Variants in CTU2 observed in about 807,000 individuals in gnomAD.
The protein encoded by CTU2 is cytosolic thiouridylase subunit 2, also known as cytoplasmic tRNA 2-thiolation protein 2.
CTU2 carries 80 observed loss-of-function variants against 64.1 expected under a neutral mutation model. The ratio of observed to expected loss-of-function variants is 1.25; its 90% confidence interval spans 1.04 to 1.50. CTU2 has a LOEUF of 1.50. CTU2 is among the 40% of genes most tolerant of loss of function. The probability of loss-of-function intolerance (pLI) is 0.00; values close to 1 mark genes in which losing one functional copy is unlikely to be tolerated. For missense variants in CTU2, 1,110 were observed against 690.2 expected, an observed-to-expected ratio of 1.61 and a Z score of -6.81; for synonymous variants, 482 against 285.3, an observed-to-expected ratio of 1.69 and a Z score of -6.95.
intron 8 of CTU2, 54 bp downstream of exon 8, chr16:88,713,501 C>T (rs1305229807): frequency 1.4e-5 from 21 of 1,548,894 alleles, no homozygotes; most frequent in South Asian, 2.4e-5. Context: ...ACCCCTTCGG[C>T]CACCTTTACT....
rs1039052264 is a variant in CTU2, at chr16:88,711,748, C to T, written c.343+53C>T. The T allele has an allele frequency of 3.5e-5, 54 of 1,529,810 alleles. 1 individual carries two copies. Among genetic ancestry groups the T allele is most frequent in the Admixed American group, 1.3e-4 (7 of 55,882 alleles). The allele number at this position is 1,529,810 out of a possible 1,614,324, so 94.8% of individuals were successfully genotyped here. A position where few individuals can be genotyped will look rare whatever the true frequency, so the allele number is the denominator to read the frequency against. On this transcript the variant is annotated intron_variant, in intron 5 of 14. Transcript: ENST00000453996. ...CCCTGGCCACTTGGGGTAAGCCCTGCGGATCCTCCCTCTGGTGTGGACCCT... is the reference window on the plus strand; with the variant it reads ...CCCTGGCCACTTGGGGTAAGCCCTGTGGATCCTCCCTCTGGTGTGGACCCT...
At chr16:88,706,645 C>G (rs992737476) in intron 1 of CTU2, 47 bp downstream of exon 1, 2 of 1,311,496 alleles carry the variant, frequency 1.5e-6, no homozygotes, top group African/African-American at 1.6e-5. Flanking sequence ...CGCCTTCCCG[C>G]CGCACTCCTG....
rs537787450 is a variant in CTU2, at chr16:88,715,313, G to A, written c.*62G>A. 5.9e-5 allele frequency: 91 copies of A among 1,543,340 alleles called. No homozygotes were observed. In the East Asian group the frequency reaches 7.8e-4, roughly 13 times the overall value. On this transcript the variant is annotated 3_prime_UTR_variant, in exon 15 of 15. Coordinates refer to ENST00000453996, the MANE Select transcript of CTU2 (RefSeq NM_001012759.3). ...CCACCTGGTACACCACACTGGAGCC[G>A]GAAGGCAAGGACGGGGGACTGGCCT...
At chr16:88,708,364 T>C (rs1328389817) in intron 2 of CTU2, among the ~76,000 whole-genome samples, 1 of 152,164 alleles carries the variant, frequency 6.6e-6, no homozygotes, top group Admixed American at 6.5e-5. Flanking sequence ...AACCTTGGCC[T>C]TCCCTGACCC....
Position 88,715,310 on chromosome 16 carries a change from G to C in CTU2, c.*59G>C. The C allele has an allele frequency of 6.4e-7, 1 of 1,563,024 alleles. No homozygotes were observed. ...TGGCCACCTGGTACACCACACTGGA[G>C]CCGGAAGGCAAGGACGGGGGACTGG... On this transcript the variant is annotated 3_prime_UTR_variant, in exon 15 of 15. Transcript: ENST00000453996.
At position 88,706,618 on chromosome 16, in the gene CTU2, C is replaced by A; in HGVS notation, c.68+20C>A. ...GCCCAGGTAAGAGCTGGCGGCCGGA[C>A]CCGCCAGGCCGCCCCTCGCCTTCCC... is the stretch of plus-strand genomic sequence containing the variant. On this transcript the variant is annotated intron_variant, in intron 1 of 14. Transcript: ENST00000453996. The A allele has an allele frequency of 7.2e-7, 1 of 1,384,416 alleles. No homozygotes were observed. 85.8% of individuals were successfully genotyped at this position (1,384,416 alleles called of 1,614,324 possible).
chr16:88,715,309 A>T lies in CTU2; in HGVS notation c.*58A>T. The T allele has an allele frequency of 6.4e-7, 1 of 1,564,970 alleles. No homozygotes were observed. The highest frequency in any genetic ancestry group is 8.7e-7 in the Non-Finnish European group (1 of 1,150,044). On this transcript the variant is annotated 3_prime_UTR_variant, in exon 15 of 15. Transcript: ENST00000453996. ...GTGGCCACCTGGTACACCACACTGG[A>T]GCCGGAAGGCAAGGACGGGGGACTG...
At chr16:88,714,335 A>G (rs767780142) in intron 10 of CTU2, 48 bp from the exon 11 acceptor site, 2 of 1,607,452 alleles carry the variant, frequency 1.2e-6, no homozygotes, top group Non-Finnish European at 1.7e-6. Context: ...CTTAGGGTGG[A>G]GCCCCAGCCC....
chr16:88,714,917 G>C lies in CTU2; in HGVS notation c.1410G>C (p.Met470Ile), dbSNP rs923897864. 1 of 1,612,662 alleles carries C rather than the reference G, an allele frequency of 6.2e-7. No homozygotes were observed. The highest frequency in any genetic ancestry group is 1.1e-5 in the South Asian group (1 of 91,088). Residue 470 changes from methionine to isoleucine, a missense_variant, in exon 13 of 15, where the codon ATG becomes ATC. Met to Ile is a conservative substitution (Grantham distance 10). Transcript: ENST00000453996. ...EQLCYSCRVN[M>I]KDLPSLDPLP... ...TGTGCTACAGCTGCCGCGTGAACAT[G>C]AAGGACTTGGTGAGTACGTGCCCAC... is the stretch of plus-strand genomic sequence containing the variant.
chr16:88,714,746 C>CAGGAGG lies in CTU2; in HGVS notation c.1352+9_1352+10insAGGAGG, dbSNP rs754116147. The CAGGAGG allele has an allele frequency of 1.2e-6, 2 of 1,605,818 alleles. No individual in the cohort carries two copies. Among genetic ancestry groups the CAGGAGG allele is most frequent in the Non-Finnish European group, 1.7e-6 (2 of 1,175,708 alleles). On this transcript the variant is annotated intron_variant, in intron 12 of 14. Transcript: ENST00000453996. ...CAGGGGGCCTGCAGGAGGTGAGTCC[C>CAGGAGG]TGTCCCTGCCACCCATGGCCAGCTG...
rs1180640622 is a variant in CTU2, at chr16:88,715,368, T to G, written c.*117T>G. On this transcript the variant is annotated 3_prime_UTR_variant, in exon 15 of 15. Coordinates refer to ENST00000453996, the MANE Select transcript of CTU2 (RefSeq NM_001012759.3). ...TTGTCCATTTGTATAAATAAAACAT[T>G]TTTTAATTAAAAAAAAAACTCTACA... 9 of 1,212,386 alleles carry G rather than the reference T, an allele frequency of 7.4e-6. No individual in the cohort carries two copies. The highest frequency in any genetic ancestry group is 3.1e-5 in the African/African-American group (2 of 64,994). 75.1% of individuals were successfully genotyped at this position (1,212,386 alleles called of 1,614,324 possible).
At chr16:88,709,100 C>T (rs1376221944) in intron 2 of CTU2, 5 of 152,194 alleles carry the variant, frequency 3.3e-5, no homozygotes, top group African/African-American at 9.7e-5. Flanking sequence ...CAAAGTGAGA[C>T]CTTGTCTCTA....
At chr16:88,710,540 T>C (rs935347237) in intron 4 of CTU2, 3 of 515,988 alleles carry the variant, frequency 5.8e-6, no homozygotes, top group Non-Finnish European at 6.9e-6. Context: ...ACAGCGCGTG[T>C]GTGCGGCCCA....
intron 2 of CTU2, among the ~76,000 whole-genome samples, chr16:88,707,661 G>T (rs1419126951): frequency 6.6e-6 from 1 of 152,166 alleles, no homozygotes; most frequent in African/African-American, 2.4e-5. Context: ...CTTTCCCCCA[G>T]GCGCTTGTCA....
At chr16:88,712,514 C>A in intron 6 of CTU2, 108 bp from the exon 7 acceptor site, 2 of 1,487,722 alleles carry the variant, frequency 1.3e-6, no homozygotes, top group Admixed American at 2.1e-5. Flanking sequence ...AGGCACCTGC[C>A]CGTGCCCCAG....
chr16:88,711,790 C>G, intron 5 of CTU2, 95 bp downstream of exon 5: 1 of 1,210,532 alleles, frequency 8.3e-7, no homozygotes, highest in South Asian at 1.4e-5. Flanking sequence ...GGTGCCGGTC[C>G]TCCCTCTGGT....
intron 1 of CTU2, 162 bp downstream of exon 1, chr16:88,706,760 A>G: frequency 3.7e-6 from 2 of 540,576 alleles, no homozygotes; most frequent in Non-Finnish European, 6.3e-6. Flanking sequence ...ACGGCCACCT[A>G]GAAGGGGACT....
Position 88,713,459 on chromosome 16 carries a change from C to T in CTU2, c.873+12C>T. The T allele has an allele frequency of 6.4e-7, 1 of 1,568,160 alleles. No homozygotes were observed. Among genetic ancestry groups the T allele is most frequent in the South Asian group, 1.2e-5 (1 of 85,312 alleles). ...TGGCCTGGGATACGGTAGGCAGGGG[C>T]CTGGGTGTTCAGGAGGCCCATCCTC... On this transcript the variant is annotated intron_variant, in intron 8 of 14. Transcript: ENST00000453996.
Position 88,713,706 on chromosome 16 carries a change from C to T in CTU2, c.933C>T (p.Thr311=), listed in dbSNP as rs372711082. The T allele has an allele frequency of 1.9e-6, 3 of 1,612,654 alleles. No individual in the cohort carries two copies. Among genetic ancestry groups the T allele is most frequent in the African/African-American group, 1.3e-5 (1 of 75,044 alleles). The change falls in exon 9 of 15, where the codon ACC becomes ACT. Residue 311 remains threonine, a synonymous_variant. Coordinates refer to ENST00000453996, the MANE Select transcript of CTU2 (RefSeq NM_001012759.3). ...VVVVRPMRDH[T]LKEVAFYNRL... is the part of the protein sequence containing the mutation. Reference sequence around the variant, plus strand: ...TGGTGCGGCCCATGCGGGACCACACCCTGAAGGAGGTCGCTTTCTACAACC... The same window carrying T: ...TGGTGCGGCCCATGCGGGACCACACTCTGAAGGAGGTCGCTTTCTACAACC...
Sources: allele counts gnomAD v4.1 joint callset (sites outside exome capture counted in the v4.1 genomes callset), GRCh38; gene constraint gnomAD v4.1.1; transcripts MANE v1.5; gene names NCBI Gene and HGNC (gene_info 2026-07-23, HGNC 2026-07-21).